The following MON2 variants were observed in gnomAD, a reference collection of about 807,000 sequenced individuals.
MON2 encodes protein MON2 homolog.
In MON2, 84 loss-of-function variants were observed where a neutral mutation model predicts 208.6. That is an observed-to-expected ratio of 0.40 (90% confidence interval 0.34 to 0.48). The LOEUF (loss-of-function observed/expected upper bound fraction) is 0.48. MON2 is among the 20% of genes least tolerant of loss of function. The pLI, the probability that MON2 is intolerant of heterozygous loss-of-function variation, is 0.59. For missense variants in MON2, 1,611 were observed against 2,015.4 expected (o/e 0.80, Z 3.84); for synonymous variants, 660 against 694.0 (o/e 0.95, Z 0.77).
chr12:62,536,506 T>C lies in MON2; in HGVS notation c.1901-645T>C, dbSNP rs79673876. Among the ~76,000 whole-genome samples, 709 of 152,052 alleles carry C rather than the reference T, an allele frequency of 4.7e-3. 7 individuals are homozygous for C. Among genetic ancestry groups the C allele is most frequent in the African/African-American group, 0.017 (692 of 41,494 alleles). On this transcript the variant is annotated intron_variant, in intron 14 of 34. Coordinates refer to ENST00000393630, the MANE Select transcript of MON2 (RefSeq NM_015026.3). ...TAATACTCAGTTTTCAAACTGAAAA[T>C]GTATTGCTCTCTAAATTAAAAAACA...
At position 62,537,176 on chromosome 12, in the gene MON2, TATG is replaced by T; in HGVS notation, c.1932_1934del (p.Met644del). On this transcript the variant is annotated inframe_deletion, in exon 15 of 35. Transcript: ENST00000393630. ...CATATTCCGTTCAGGGCCAAAGTGT[TATG>T]ATGATAAGTCCATCAAGTGAATCTC... 1 of 1,612,546 alleles carries T rather than the reference TATG, an allele frequency of 6.2e-7. No individual in the cohort carries two copies. Among genetic ancestry groups the T allele is most frequent in the Non-Finnish European group, 8.5e-7 (1 of 1,178,906 alleles).
At chr12:62,469,114 CCT>C (rs1491342666) in intron 1 of MON2, among the ~76,000 whole-genome samples, 2 of 107,510 alleles carry the variant, frequency 1.9e-5, no homozygotes, top group Non-Finnish European at 3.6e-5. Context: ...TAATTTTTCG[CCT>C]TTTTTTTTTT....
chr12:62,535,572 T>C lies in MON2; in HGVS notation c.1763T>C (p.Met588Thr). The change falls in exon 14 of 35, where the codon ATG (methionine) becomes ACG (threonine). Residue 588 changes from methionine (M) to threonine (T), a missense_variant. Coordinates refer to ENST00000393630, the MANE Select transcript of MON2 (RefSeq NM_015026.3). ...TENILKAELT[M>T]AALCGRLGLV... ...AATATTTTAAAAGCTGAACTGACTA[T>C]GGCTGCTCTTTGTGGAAGACTGGGC... 1 of 1,613,896 alleles carries C rather than the reference T, an allele frequency of 6.2e-7. No homozygotes were observed. Among genetic ancestry groups the C allele is most frequent in the South Asian group, 1.1e-5 (1 of 91,074 alleles).
intron 29 of MON2, among the ~76,000 whole-genome samples, chr12:62,569,614 C>T (rs1161583422): frequency 6.6e-6 from 1 of 152,150 alleles, no homozygotes; most frequent in Non-Finnish European, 1.5e-5. Flanking sequence ...TCTTAAGTTC[C>T]TAAAATTAAT....
chr12:62,497,157 TG>T (rs1461729940), intron 4 of MON2, among the ~76,000 whole-genome samples: 3 of 84,262 alleles, frequency 3.6e-5, no homozygotes, highest in Non-Finnish European at 4.6e-5. Flanking sequence ...GGGCCTGTTG[TG>T]GGGTTGGGGG....
chr12:62,477,773 C>CA (rs2069175504), intron 1 of MON2, among the ~76,000 whole-genome samples: 1 of 152,130 alleles, frequency 6.6e-6, no homozygotes, highest in South Asian at 2.1e-4. Context: ...CATTCCTGCG[C>CA]AAGTTACATA....
intron 11 of MON2, among the ~76,000 whole-genome samples, chr12:62,529,078 G>T (rs979798648): frequency 1.2e-4 from 18 of 151,972 alleles, no homozygotes; most frequent in African/African-American, 4.1e-4. Flanking sequence ...TTACCATTTA[G>T]CCCCATTTAT....
chr12:62,495,112 A>G lies in MON2; in HGVS notation c.400A>G (p.Thr134Ala), dbSNP rs2070396519. Residue 134 changes from threonine to alanine, a missense_variant, in exon 4 of 35, where the codon ACC becomes GCC. Transcript: ENST00000393630. The part of the protein sequence containing the change: ...LLQTVLVLLT[T>A]NTVVHDEALS... ...TCAAACAGTTCTTGTTCTTTTAACA[A>G]CCAATACAGTAGTTCATGATGAGGC... 4 of 1,613,068 alleles carry G rather than the reference A, an allele frequency of 2.5e-6. No homozygotes were observed. In the East Asian group the frequency reaches 6.7e-5, roughly 27 times the overall value.
At chr12:62,579,517 A>C (rs1047181151) in intron 31 of MON2, among the ~76,000 whole-genome samples, 1 of 151,114 alleles carries the variant, frequency 6.6e-6, no homozygotes, top group Non-Finnish European at 1.5e-5. Context: ...AGGTCAGGAG[A>C]TTGAGACCAT....
At chr12:62,487,277 A>T (rs2069856395) in intron 2 of MON2, among the ~76,000 whole-genome samples, 1 of 152,142 alleles carries the variant, frequency 6.6e-6, no homozygotes, top group African/African-American at 2.4e-5. Context: ...ATTATATATT[A>T]CAAATTGTGT....
intron 12 of MON2, 137 bp from the exon 13 acceptor site, chr12:62,534,708 T>C: frequency 1.8e-6 from 1 of 566,308 alleles, no homozygotes; most frequent in Non-Finnish European, 3.0e-6. Flanking sequence ...TTTTAAATAC[T>C]GAATATTAGA....
At chr12:62,546,747 A>G in intron 21 of MON2, 150 bp from the exon 22 acceptor site, 1 of 567,600 alleles carries the variant, frequency 1.8e-6, no homozygotes, top group Non-Finnish European at 2.9e-6. Context: ...ACAGGACGAG[A>G]CTCCATTTCA....
chr12:62,538,537 G>T, intron 19 of MON2, 32 bp downstream of exon 19: 1 of 1,358,064 alleles, frequency 7.4e-7, no homozygotes, highest in Non-Finnish European at 1.0e-6. Context: ...TTTTAGATAT[G>T]ATACATTAGT....
chr12:62,562,024 A>T (rs1437803961), intron 26 of MON2, among the ~76,000 whole-genome samples: 1 of 152,152 alleles, frequency 6.6e-6, no homozygotes, highest in Admixed American at 6.6e-5. Flanking sequence ...TTGTGCAGGA[A>T]AAAAGAATCT....
At position 62,594,768 on chromosome 12, in the gene MON2, C is replaced by G. The variant is rs1030478331; in HGVS notation, c.*2019C>G. On this transcript the variant is annotated 3_prime_UTR_variant, in exon 35 of 35. Transcript: ENST00000393630. ...TTTATCAGGACCATGCCCTACAGTT[C>G]AAAACATAAACATAGTGAATGTGTT... 6.6e-6 allele frequency: 1 copy of G among 152,188 alleles called. No individual in the cohort carries two copies. The highest frequency in any genetic ancestry group is 1.5e-5 in the Non-Finnish European group (1 of 68,036). 9.4% of individuals were successfully genotyped at this position (152,188 alleles called of 1,614,324 possible).
intron 26 of MON2, among the ~76,000 whole-genome samples, chr12:62,562,570 G>T (rs1244308649): frequency 6.6e-6 from 1 of 151,746 alleles, no homozygotes; most frequent in African/African-American, 2.4e-5. Context: ...ATTTTTAATG[G>T]GTTTCTAGTA....
chr12:62,512,423 C>G (rs1323888542), intron 8 of MON2, among the ~76,000 whole-genome samples: 1 of 152,100 alleles, frequency 6.6e-6, no homozygotes, highest in Non-Finnish European at 1.5e-5. Context: ...GGCTACAGGC[C>G]CCATGCAAGT....
intron 8 of MON2, among the ~76,000 whole-genome samples, chr12:62,518,132 C>T (rs545623336): frequency 6.6e-5 from 10 of 152,228 alleles, no homozygotes; most frequent in Non-Finnish European, 8.8e-5. Context: ...AGAGTAGAGA[C>T]AGGAAGAAGC....
chr12:62,479,689 C>T (rs2069294957), intron 1 of MON2, among the ~76,000 whole-genome samples: 1 of 152,142 alleles, frequency 6.6e-6, no homozygotes, highest in African/African-American at 2.4e-5. Flanking sequence ...TTCTTTCCAA[C>T]TCATAGATTG....
Sources: allele counts gnomAD v4.1 joint callset (sites outside exome capture counted in the v4.1 genomes callset), GRCh38; gene constraint gnomAD v4.1.1; transcripts MANE v1.5; gene names NCBI Gene and HGNC (gene_info 2026-07-23, HGNC 2026-07-21).